Variants in MKLN1 observed in about 807,000 individuals in gnomAD.
The protein encoded by MKLN1 is muskelin 1.
In MKLN1, 18 loss-of-function variants were observed where a neutral mutation model predicts 99.0. That is an observed-to-expected ratio of 0.18 (90% CI 0.13 to 0.27). The LOEUF (loss-of-function observed/expected upper bound fraction) is 0.27. Ranked by LOEUF, MKLN1 falls within the 10% of genes least tolerant of loss-of-function variation. The probability of loss-of-function intolerance (pLI) is 1.00; values close to 1 mark genes in which losing one functional copy is unlikely to be tolerated. For missense variants in MKLN1, 621 were observed against 875.9 expected, an observed-to-expected ratio of 0.71 and a Z score of 3.67; for synonymous variants, 288 against 293.2, an observed-to-expected ratio of 0.98 and a Z score of 0.18.
In MKLN1 at chr7:131,146,975, G is replaced by A. The variant is rs1440718362; in HGVS notation, c.-297+4034G>A. 2.6e-5 allele frequency among the ~76,000 whole-genome samples: 4 copies of A among 152,236 alleles called. No individual in the cohort carries two copies. The South Asian group carries it at 8.3e-4, about 32-fold the overall frequency. On this transcript the variant is annotated intron_variant, in intron 2 of 7. Coordinates refer to the MKLN1 transcript ENST00000416992. ...TGTATGTTTTTTAAGTATGATGGAA[G>A]CAAAGAACAGAAAGGAAATGATTCT...
At chr7:131,414,598 G>A (rs753160380) in intron 7 of MKLN1, 47 bp from the exon 8 acceptor site, 1 of 1,299,794 alleles carries the variant, frequency 7.7e-7, no homozygotes, top group Non-Finnish European at 1.1e-6. Flanking sequence ...CTCTGGATAT[G>A]CTGTTCTTTG....
At chr7:131,154,551 G>A (rs564307029) in intron 2 of MKLN1, among the ~76,000 whole-genome samples, 3 of 152,122 alleles carry the variant, frequency 2.0e-5, no homozygotes, top group Non-Finnish European at 4.4e-5. Context: ...TACATGTATA[G>A]ACATGTCTCC....
intron 16 of MKLN1, chr7:131,471,631 C>T (rs1796823221): frequency 6.6e-6 from 1 of 152,186 alleles, no homozygotes; most frequent in Non-Finnish European, 1.5e-5. Flanking sequence ...GTCATTTTTT[C>T]CTTTTCCAGG....
chr7:131,365,866 T>A (rs1337173671), intron 1 of MKLN1, among the ~76,000 whole-genome samples: 1 of 152,204 alleles, frequency 6.6e-6, no homozygotes, highest in Non-Finnish European at 1.5e-5. Context: ...ATAACCATTC[T>A]TGTTCTGATA....
intron 9 of MKLN1, among the ~76,000 whole-genome samples, chr7:131,436,539 G>T (rs759640893): frequency 6.6e-6 from 1 of 152,148 alleles, no homozygotes; most frequent in Non-Finnish European, 1.5e-5. Context: ...GGTACACAAG[G>T]GCGTAGATTT....
At chr7:131,392,194 C>T (rs896674055) in intron 4 of MKLN1, among the ~76,000 whole-genome samples, 2 of 151,922 alleles carry the variant, frequency 1.3e-5, no homozygotes, top group African/African-American at 4.8e-5. Flanking sequence ...TAGGTGAGGG[C>T]AAAAAGAGGT....
chr7:131,357,962 G>A lies in MKLN1; in HGVS notation c.99-17462G>A, dbSNP rs188717754. Among the ~76,000 whole-genome samples the A allele has an allele frequency of 3.0e-3, 445 of 150,210 alleles. 1 individual carries two copies. The highest frequency in any genetic ancestry group is 6.6e-3 in the Admixed American group (100 of 15,230). Reference sequence around the variant, plus strand: ...CTGTAATCATTCATTATTTCCAGGAGTTCATCAGTTCTTTGGGATTTTCTG... The same window carrying A: ...CTGTAATCATTCATTATTTCCAGGAATTCATCAGTTCTTTGGGATTTTCTG... On this transcript the variant is annotated intron_variant, in intron 1 of 17. Coordinates refer to ENST00000352689, the MANE Select transcript of MKLN1 (RefSeq NM_013255.5).
chr7:131,232,768 G>A (rs953864411), intron 3 of MKLN1, among the ~76,000 whole-genome samples: 1 of 152,108 alleles, frequency 6.6e-6, no homozygotes, highest in African/African-American at 2.4e-5. Flanking sequence ...ACAGTGAAAG[G>A]AGCTTGGGAG....
chr7:131,394,186 A>T (rs1348665167), intron 4 of MKLN1, among the ~76,000 whole-genome samples: 1 of 152,112 alleles, frequency 6.6e-6, no homozygotes, highest in East Asian at 1.9e-4. Context: ...TGTTGTTTAC[A>T]TACATAAACA....
chr7:131,330,306 T>C (rs1303943249), intron 1 of MKLN1, among the ~76,000 whole-genome samples: 1 of 152,244 alleles, frequency 6.6e-6, no homozygotes, highest in Admixed American at 6.5e-5. Context: ...GTTGAAATTG[T>C]CCACAAAGTG....
chr7:131,197,508 A>C (rs909474016), intron 2 of MKLN1, among the ~76,000 whole-genome samples: 5 of 151,278 alleles, frequency 3.3e-5, no homozygotes, highest in African/African-American at 1.2e-4. Flanking sequence ...TCAGCCTCCC[A>C]AAGTGCTGGG....
chr7:131,417,171 G>T (rs552304958), intron 8 of MKLN1, among the ~76,000 whole-genome samples: 9 of 151,988 alleles, frequency 5.9e-5, no homozygotes, highest in Non-Finnish European at 8.8e-5. Context: ...GGTTAGTGAA[G>T]GTGTACAAAG....
intron 2 of MKLN1, among the ~76,000 whole-genome samples, chr7:131,379,481 A>G (rs562696319): frequency 2.6e-5 from 4 of 152,328 alleles, no homozygotes; most frequent in East Asian, 3.9e-4. Flanking sequence ...TAAAACTTCT[A>G]TAAATGAAAA....
At chr7:131,134,493 A>G (rs1795618047) in intron 1 of MKLN1, among the ~76,000 whole-genome samples, 1 of 152,094 alleles carries the variant, frequency 6.6e-6, no homozygotes, top group Admixed American at 6.5e-5. Flanking sequence ...TGATCTGCAG[A>G]CCTGTCATTC....
intron 3 of MKLN1, among the ~76,000 whole-genome samples, chr7:131,278,200 G>A (rs1798002362): frequency 6.6e-6 from 1 of 151,782 alleles, no homozygotes; most frequent in Non-Finnish European, 1.5e-5. Context: ...ACCACGCCTG[G>A]CTAATTTTTG....
At chr7:131,426,145 T>C (rs1795350323) in intron 8 of MKLN1, among the ~76,000 whole-genome samples, 1 of 152,210 alleles carries the variant, frequency 6.6e-6, no homozygotes, top group Non-Finnish European at 1.5e-5. Context: ...TTTGCTCAGC[T>C]ATCAATGAGG....
chr7:131,244,676 G>A (rs897466229), intron 3 of MKLN1, among the ~76,000 whole-genome samples: 8 of 152,162 alleles, frequency 5.3e-5, no homozygotes, highest in African/African-American at 1.4e-4. Context: ...CGGTGATGAC[G>A]GTGATGACGA....
At chr7:131,334,589 T>A (rs552560186) in intron 1 of MKLN1, among the ~76,000 whole-genome samples, 3 of 152,316 alleles carry the variant, frequency 2.0e-5, no homozygotes, top group Admixed American at 2.0e-4. Context: ...TTATGTACAA[T>A]TTTTTGGGCA....
At chr7:131,208,691 A>G (rs1042320632) in intron 3 of MKLN1, among the ~76,000 whole-genome samples, 2 of 152,200 alleles carry the variant, frequency 1.3e-5, no homozygotes, top group African/African-American at 4.8e-5. Flanking sequence ...CCCTTCATTT[A>G]TTCAATCATT....
Sources: allele counts gnomAD v4.1 joint callset (sites outside exome capture counted in the v4.1 genomes callset), GRCh38; gene constraint gnomAD v4.1.1; transcripts MANE v1.5; gene names NCBI Gene and HGNC (gene_info 2026-07-23, HGNC 2026-07-21).